The following COL28A1 variants were observed in gnomAD, a reference collection of about 807,000 sequenced individuals.
COL28A1 encodes the protein collagen alpha-1(XXVIII) chain.
In COL28A1, 161 loss-of-function variants were observed where a neutral mutation model predicts 150.2. The observed-to-expected ratio is 1.07, with a 90% confidence interval of 0.94 to 1.22. The LOEUF (loss-of-function observed/expected upper bound fraction) is 1.22, where lower values mean the gene tolerates loss of function less well. Among genes scored for constraint, COL28A1 ranks in the 50% most tolerant of loss-of-function variants. The pLI is 0.00. For synonymous variants in COL28A1, 552 were observed against 469.7 expected (o/e 1.18, Z -2.26); for missense variants, 1,617 against 1,388.3 (o/e 1.16, Z -2.62).
chr7:7,384,785 A>G (rs1443709305), intron 27 of COL28A1, among the ~76,000 whole-genome samples: 1 of 152,310 alleles, frequency 6.6e-6, no homozygotes, highest in East Asian at 1.9e-4. Context: ...TGTACCAGTT[A>G]AATAAACCCT....
chr7:7,519,910 A>C (rs17151557), intron 6 of COL28A1, 152 bp downstream of exon 6: 147,820 of 511,616 alleles, frequency 0.29, 22,386 homozygotes, highest in African/African-American at 0.39. Context: ...AATAAGATAG[A>C]TAATATAGGA....
intron 19 of COL28A1, among the ~76,000 whole-genome samples, 169 bp downstream of exon 19, chr7:7,444,249 C>T (rs1238585236): frequency 6.6e-6 from 1 of 152,016 alleles, no homozygotes; most frequent in African/African-American, 2.4e-5. Context: ...TTTGAATAGG[C>T]CACTCCTTCT....
At chr7:7,426,287 G>C (rs970831048) in intron 25 of COL28A1, among the ~76,000 whole-genome samples, 5 of 152,184 alleles carry the variant, frequency 3.3e-5, no homozygotes, top group African/African-American at 1.2e-4. Context: ...ATAAAATTAA[G>C]ATATAACTAC....
chr7:7,516,953 A>G (rs937322856), intron 7 of COL28A1, among the ~76,000 whole-genome samples: 1 of 152,140 alleles, frequency 6.6e-6, no homozygotes, highest in African/African-American at 2.4e-5. Context: ...TGTGTGGTCA[A>G]TGAGGAATAG....
chr7:7,375,300 C>T (rs1781482462), intron 31 of COL28A1, among the ~76,000 whole-genome samples, 161 bp downstream of exon 31: 1 of 152,178 alleles, frequency 6.6e-6, no homozygotes, highest in African/African-American at 2.4e-5. Flanking sequence ...CCCACAGTCT[C>T]TCTTACTGCT....
chr7:7,444,022 A>T (rs1786042409), intron 19 of COL28A1, among the ~76,000 whole-genome samples: 1 of 136,446 alleles, frequency 7.3e-6, no homozygotes. Context: ...CTTTTACTGA[A>T]AAATGAGTAT....
intron 27 of COL28A1, among the ~76,000 whole-genome samples, chr7:7,411,112 T>A (rs1304646308): frequency 1.3e-5 from 2 of 152,146 alleles, no homozygotes; most frequent in African/African-American, 4.8e-5. Context: ...ATCCTGACAT[T>A]CTTTCAAACA....
intron 27 of COL28A1, among the ~76,000 whole-genome samples, chr7:7,382,474 T>A (rs547730479): frequency 6.6e-6 from 1 of 152,268 alleles, no homozygotes; most frequent in African/African-American, 2.4e-5. Flanking sequence ...TTTCCAGATT[T>A]CTCCATCACA....
intron 9 of COL28A1, among the ~76,000 whole-genome samples, chr7:7,507,908 G>A (rs766564722): frequency 6.6e-5 from 10 of 152,162 alleles, no homozygotes; most frequent in Admixed American, 2.6e-4. Flanking sequence ...CTGATTTTGT[G>A]TCCTACCCAT....
intron 25 of COL28A1, chr7:7,431,432 G>A (rs970833394): frequency 2.3e-6 from 1 of 437,988 alleles, no homozygotes. Flanking sequence ...AAAACATACA[G>A]AGGGGTTGGG....
chr7:7,343,002 G>A, the COL28A1 span, among the ~76,000 whole-genome samples: 3 of 151,676 alleles, frequency 2.0e-5, no homozygotes, highest in African/African-American at 4.8e-5. Context: ...TTCTAGGTGG[G>A]CAATTACTTT....
chr7:7,438,713 A>G (rs974388510), intron 21 of COL28A1, among the ~76,000 whole-genome samples: 2 of 152,350 alleles, frequency 1.3e-5, no homozygotes, highest in African/African-American at 4.8e-5. Flanking sequence ...AACAGAAATT[A>G]CAATTAAAAA....
At position 7,432,627 on chromosome 7, in the gene COL28A1, C is replaced by T; in HGVS notation, c.1929+5G>A. On this transcript the variant is annotated splice_donor_5th_base_variant and intron_variant, in intron 24 of 34. Coordinates refer to ENST00000399429, the MANE Select transcript of COL28A1 (RefSeq NM_001037763.3). The stretch of plus-strand genomic sequence containing the variant: ...AGGGAGGGAAGAAAAAAATGTCCCA[C>T]TTACAGGCACACCAGGATAGCCATC... 6.2e-7 allele frequency: 1 copy of T among 1,613,980 alleles called. No homozygotes were observed. The highest frequency in any genetic ancestry group is 8.5e-7 in the Non-Finnish European group (1 of 1,179,928).
chr7:7,505,466 A>G (rs1780756986), intron 11 of COL28A1, among the ~76,000 whole-genome samples: 1 of 152,084 alleles, frequency 6.6e-6, no homozygotes, highest in African/African-American at 2.4e-5. Flanking sequence ...GATCCCTCCC[A>G]TCTGCATCTT....
chr7:7,476,563 T>C (rs1788902262), intron 14 of COL28A1, among the ~76,000 whole-genome samples: 1 of 152,250 alleles, frequency 6.6e-6, no homozygotes, highest in African/African-American at 2.4e-5. Context: ...TCTGCCCCTT[T>C]ACAGAAAAAG....
intron 16 of COL28A1, 43 bp downstream of exon 16, chr7:7,456,001 G>C (rs776965093): frequency 6.2e-7 from 1 of 1,610,622 alleles, no homozygotes; most frequent in Non-Finnish European, 8.5e-7. Context: ...GGATTGGGCT[G>C]GAATGTTCTG....
At chr7:7,339,496 T>C in the COL28A1 span, among the ~76,000 whole-genome samples, 1 of 152,146 alleles carries the variant, frequency 6.6e-6, no homozygotes, top group East Asian at 1.9e-4. Flanking sequence ...GTTCTGACTC[T>C]CAAGTCACTC....
intron 4 of COL28A1, 161 bp from the exon 5 acceptor site, chr7:7,522,122 G>C: frequency 2.9e-6 from 2 of 680,818 alleles, no homozygotes. Flanking sequence ...CACTCTCAAA[G>C]AAATTTTACC....
At chr7:7,472,174 C>T (rs953755820) in intron 15 of COL28A1, among the ~76,000 whole-genome samples, 2 of 152,104 alleles carry the variant, frequency 1.3e-5, no homozygotes, top group African/African-American at 2.4e-5. Context: ...CTAGCCAGAG[C>T]AATCAGATAA....
Sources: gnomAD v4.1 joint callset for allele counts (sites outside exome capture counted in the v4.1 genomes callset) on GRCh38, gnomAD v4.1.1 for gene constraint, MANE v1.5 for transcripts, NCBI Gene and HGNC (gene_info 2026-07-23, HGNC 2026-07-21) for gene names.